The following TBC1D5 variants were observed in gnomAD, a reference collection of about 807,000 sequenced individuals.
TBC1D5 encodes the protein TBC1 domain family, member 5.
Under a neutral mutation model 100.3 loss-of-function variants are expected in TBC1D5, and 75 were observed. The ratio of observed to expected loss-of-function variants is 0.75; its 90% CI spans 0.62 to 0.91. TBC1D5 has a LOEUF of 0.91. Ranked by LOEUF, TBC1D5 falls within the 40% of genes least tolerant of loss-of-function variation. The pLI, the probability that TBC1D5 is intolerant of heterozygous loss-of-function variation, is 0.00. For missense variants in TBC1D5, 910 were observed against 942.4 expected (o/e 0.97, Z 0.45); for synonymous variants, 323 against 325.6 (o/e 0.99, Z 0.09).
intron 1 of TBC1D5, among the ~76,000 whole-genome samples, chr3:17,649,170 C>T (rs990123812): frequency 3.3e-5 from 5 of 152,234 alleles, no homozygotes; most frequent in African/African-American, 1.2e-4. Context: ...GAGATCATGT[C>T]TTTTGTGGGA....
chr3:17,395,652 G>T lies in TBC1D5; in HGVS notation c.509+7529C>A, dbSNP rs1035879889. Among the ~76,000 whole-genome samples, 7 of 152,134 alleles carry T rather than the reference G, an allele frequency of 4.6e-5. No individual in the cohort carries two copies. In the South Asian group the frequency reaches 1.5e-3, roughly 32 times the overall value. On this transcript the variant is annotated intron_variant, in intron 8 of 21. Coordinates refer to ENST00000253692, the Ensembl canonical transcript of TBC1D5. ...GGCTCATTTAAAACAAAGAAAATCT[G>T]AAAAGCAAAAACTCTATTGGTCAGC...
chr3:17,180,274 C>T (rs1023491615), intron 19 of TBC1D5, among the ~76,000 whole-genome samples: 4 of 152,144 alleles, frequency 2.6e-5, no homozygotes, highest in Non-Finnish European at 5.9e-5. Flanking sequence ...CACAAATGGC[C>T]TTCTAGTTTT....
At chr3:17,476,855 G>A (rs555483598) in intron 3 of TBC1D5, among the ~76,000 whole-genome samples, 1 of 152,018 alleles carries the variant, frequency 6.6e-6, no homozygotes, top group East Asian at 1.9e-4. Context: ...TTTTTGTACT[G>A]TTATAAATGC....
chr3:17,386,355 A>C (rs1223324390), intron 8 of TBC1D5, among the ~76,000 whole-genome samples: 1 of 152,118 alleles, frequency 6.6e-6, no homozygotes, highest in African/African-American at 2.4e-5. Context: ...AGTACTAAAA[A>C]CTACTACATT....
chr3:17,385,480 A>G (rs2093116250), intron 8 of TBC1D5, among the ~76,000 whole-genome samples: 1 of 152,080 alleles, frequency 6.6e-6, no homozygotes. Flanking sequence ...CAGCTATTTT[A>G]TGCTTCACTC....
chr3:17,532,143 AAAAC>A (rs1308423564), intron 2 of TBC1D5, among the ~76,000 whole-genome samples: 2 of 152,196 alleles, frequency 1.3e-5, no homozygotes, highest in African/African-American at 2.4e-5. Context: ...TTACAAGAAA[AAAAC>A]AAACAACCCC....
intron 1 of TBC1D5, among the ~76,000 whole-genome samples, chr3:17,726,179 G>A (rs1176567849): frequency 2.0e-5 from 3 of 152,142 alleles, no homozygotes; most frequent in Non-Finnish European, 4.4e-5. Context: ...ATGAACATAC[G>A]TGTGCATGTG....
chr3:17,402,649 C>G (rs953210631), intron 8 of TBC1D5, among the ~76,000 whole-genome samples: 5 of 152,036 alleles, frequency 3.3e-5, no homozygotes, highest in African/African-American at 1.2e-4. Context: ...ATGACTCAGT[C>G]GAATATATCA....
intron 2 of TBC1D5, among the ~76,000 whole-genome samples, chr3:17,529,561 T>C (rs2096189368): frequency 6.6e-6 from 1 of 152,152 alleles, no homozygotes; most frequent in Non-Finnish European, 1.5e-5. Flanking sequence ...ATGTGTATTT[T>C]AAAGGTTTAG....
chr3:17,339,683 C>T (rs941615291), intron 13 of TBC1D5, among the ~76,000 whole-genome samples: 4 of 152,162 alleles, frequency 2.6e-5, no homozygotes, highest in Non-Finnish European at 4.4e-5. Context: ...CATATGTACA[C>T]ACACATGCCA....
At chr3:17,652,536 A>G (rs891263583) in intron 1 of TBC1D5, among the ~76,000 whole-genome samples, 1 of 152,224 alleles carries the variant, frequency 6.6e-6, no homozygotes, top group Admixed American at 6.5e-5. Context: ...TTAAAATGAT[A>G]ATAAATATAA....
intron 2 of TBC1D5, among the ~76,000 whole-genome samples, chr3:17,569,963 A>G (rs546626520): frequency 1.2e-4 from 19 of 152,020 alleles, no homozygotes; most frequent in African/African-American, 4.6e-4. Context: ...CTTATAAGCA[A>G]TTTACAAAAT....
At chr3:17,462,826 T>A (rs897543267) in intron 3 of TBC1D5, among the ~76,000 whole-genome samples, 1 of 152,204 alleles carries the variant, frequency 6.6e-6, no homozygotes, top group Non-Finnish European at 1.5e-5. Flanking sequence ...CTTCCTGGCA[T>A]TGTTTCTTAT....
intron 13 of TBC1D5, among the ~76,000 whole-genome samples, chr3:17,316,413 T>G (rs2084706169): frequency 2.0e-5 from 3 of 152,136 alleles, no homozygotes; most frequent in Admixed American, 2.0e-4. Context: ...GTATGAGCCC[T>G]CTCTTCTGAA....
chr3:17,515,119 A>G (rs1220762710), intron 2 of TBC1D5, among the ~76,000 whole-genome samples: 1 of 152,144 alleles, frequency 6.6e-6, no homozygotes, highest in African/African-American at 2.4e-5. Context: ...TAAACTGATG[A>G]TAATTAAAAA....
At chr3:17,223,943 A>G (rs925301550) in intron 17 of TBC1D5, among the ~76,000 whole-genome samples, 3 of 150,958 alleles carry the variant, frequency 2.0e-5, no homozygotes, top group African/African-American at 2.5e-5. Context: ...ACAAACAAAG[A>G]AAAAAAGACT....
intron 2 of TBC1D5, among the ~76,000 whole-genome samples, chr3:17,552,657 G>A (rs539901884): frequency 6.6e-6 from 1 of 152,120 alleles, no homozygotes; most frequent in Non-Finnish European, 1.5e-5. Flanking sequence ...AAAAACACCA[G>A]GTGGTGGTGC....
intron 9 of TBC1D5, among the ~76,000 whole-genome samples, chr3:17,378,947 C>T (rs2092820055): frequency 6.6e-6 from 1 of 151,752 alleles, no homozygotes; most frequent in South Asian, 2.1e-4. Context: ...TTCTGAAATG[C>T]CATCTTTAGT....
chr3:17,693,423 A>T (rs1320127875), intron 1 of TBC1D5, among the ~76,000 whole-genome samples: 1 of 152,196 alleles, frequency 6.6e-6, no homozygotes, highest in African/African-American at 2.4e-5. Flanking sequence ...GCAGACAAGG[A>T]GATTCTCTCC....
Sources: gnomAD v4.1 joint callset for allele counts (sites outside exome capture counted in the v4.1 genomes callset) on GRCh38, gnomAD v4.1.1 for gene constraint, MANE v1.5 for transcripts, NCBI Gene and HGNC (gene_info 2026-07-23, HGNC 2026-07-21) for gene names.